NIPAL4: variants seen among roughly 807,000 people sequenced by gnomAD.
NIPAL4 encodes the protein NIPA like domain containing 4.
A neutral mutation model predicts 31.6 loss-of-function variants in NIPAL4; 21 were observed. The observed-to-expected ratio is 0.67, with a 90% confidence interval of 0.47 to 0.96. The LOEUF (loss-of-function observed/expected upper bound fraction) is 0.96. Among genes scored for constraint, NIPAL4 ranks in the 40% least tolerant of loss-of-function variants. The pLI is 0.00. For synonymous variants in NIPAL4, 175 were observed against 211.1 expected (o/e 0.83, Z 1.48); for missense variants, 438 against 508.0 (o/e 0.86, Z 1.32).
At chr5:157,463,374 T>C in intron 2 of NIPAL4, 41 bp downstream of exon 2, 1 of 1,558,890 alleles carries the variant, frequency 6.4e-7, no homozygotes, top group Non-Finnish European at 8.7e-7. Flanking sequence ...CCAGGGCAGC[T>C]GAGCTCTCAC....
intron 2 of NIPAL4, among the ~76,000 whole-genome samples, chr5:157,464,817 C>T (rs889746546): frequency 2.6e-5 from 4 of 152,168 alleles, no homozygotes; most frequent in African/African-American, 9.7e-5. Flanking sequence ...GGTTCTAATT[C>T]TGGCTCCTCA....
rs759357633 is a variant in NIPAL4, at chr5:157,472,759, C to T, written c.1014C>T (p.Gly338=). The T allele has an allele frequency of 2.0e-5, 33 of 1,612,812 alleles. 1 individual carries two copies. The highest frequency in any genetic ancestry group is 6.6e-5 in the South Asian group (6 of 91,080). Residue 338 remains glycine (G), a synonymous_variant, in exon 6 of 6, where the codon GGC becomes GGT. Coordinates refer to ENST00000311946, the MANE Select transcript of NIPAL4 (RefSeq NM_001099287.2). ...CGGGCTTTGTCACCATCATCTTGGG[C>T]GTGTTCATGCTGCATGCTTTCAAAG... The part of the protein sequence containing the change: ...TLSGFVTIIL[G]VFMLHAFKDL...
intron 2 of NIPAL4, among the ~76,000 whole-genome samples, chr5:157,464,345 T>C (rs4704742): frequency 0.47 from 72,119 of 151,864 alleles, 17,373 homozygotes; most frequent in East Asian, 0.72. Context: ...TAAATGGAAG[T>C]ACAGAGGCTG....
At chr5:157,467,571 A>G (rs1436415903) in intron 3 of NIPAL4, 1 of 174,658 alleles carries the variant, frequency 5.7e-6, no homozygotes, top group Admixed American at 5.6e-5. Flanking sequence ...CTCTCCTGCT[A>G]TCAAACCCTG....
In NIPAL4 at chr5:157,472,936, CA is replaced by C. The variant is rs1387475890; in HGVS notation, c.1194del (p.Val399TyrfsTer3). On this transcript the variant is annotated frameshift_variant, in exon 6 of 6. Transcript: ENST00000311946. LOFTEE classifies it high-confidence loss of function. ...GCACCTCATCACCAGAAGAGAAACC[CA>C]AAGTATTTATAATCCATTCCTGAAG... The part of the protein sequence containing the change: ...ASTSSPEEKP[K>X]VFIIHS The C allele has an allele frequency of 3.9e-6, 6 of 1,519,046 alleles. No individual in the cohort carries two copies. The highest frequency in any genetic ancestry group is 5.3e-6 in the Non-Finnish European group (6 of 1,134,872). The allele number at this position is 1,519,046 out of a possible 1,614,324, so 94.1% of individuals were successfully genotyped here. A position where few individuals can be genotyped will look rare whatever the true frequency, so the allele number is the denominator to read the frequency against.
At chr5:157,460,649 A>T in intron 1 of NIPAL4, 7 of 355,264 alleles carry the variant, frequency 2.0e-5, no homozygotes, top group East Asian at 7.9e-5. Context: ...ACACCCTGAG[A>T]GGTGGTGGGG....
intron 3 of NIPAL4, chr5:157,467,734 C>T (rs115502782): frequency 0.017 from 2,588 of 156,270 alleles, 56 homozygotes; most frequent in South Asian, 0.089. Flanking sequence ...GAAAAAGACA[C>T]TTTTCTGATA....
Position 157,471,874 on chromosome 5 carries a change from A to G in NIPAL4, c.586+57A>G, listed in dbSNP as rs1045879001. 7 of 1,380,290 alleles carry G rather than the reference A, an allele frequency of 5.1e-6. No homozygotes were observed. The African/African-American group carries it at 8.6e-5, about 17-fold the overall frequency. The allele number at this position is 1,380,290 out of a possible 1,614,324, so 85.5% of individuals were successfully genotyped here. A position where few individuals can be genotyped will look rare whatever the true frequency, so the allele number is the denominator to read the frequency against. ...TACTGGAGGTTGAACACCCCCTACT[A>G]CCCCACAAAAGGTCAGGTTGGGTTC... On this transcript the variant is annotated intron_variant, in intron 5 of 5. Transcript: ENST00000311946.
In NIPAL4 at chr5:157,474,626, T is replaced by C. The variant is rs1754537081; in HGVS notation, c.*1666T>C. 6.6e-6 allele frequency: 1 copy of C among 152,220 alleles called. No homozygotes were observed. The highest frequency in any genetic ancestry group is 1.5e-5 in the Non-Finnish European group (1 of 68,042). 9.4% of individuals were successfully genotyped at this position (152,220 alleles called of 1,614,324 possible). A position where few individuals can be genotyped will look rare whatever the true frequency, so the allele number is the denominator to read the frequency against. On this transcript the variant is annotated 3_prime_UTR_variant, in exon 6 of 6. Coordinates refer to ENST00000311946, the MANE Select transcript of NIPAL4 (RefSeq NM_001099287.2). ...GATTTCTGTCTGTAATTAAAAGCAA[T>C]GCAACAAGTTGGCTCTTGAGAATGG... is the stretch of plus-strand genomic sequence containing the variant.
chr5:157,465,666 A>T (rs1401189548), intron 2 of NIPAL4, among the ~76,000 whole-genome samples: 1 of 152,180 alleles, frequency 6.6e-6, no homozygotes, highest in Non-Finnish European at 1.5e-5. Context: ...ATTAAGAACA[A>T]CAATGCCATG....
At chr5:157,466,924 G>A (rs1754289235) in intron 2 of NIPAL4, 125 bp from the exon 3 acceptor site, 5 of 695,508 alleles carry the variant, frequency 7.2e-6, no homozygotes, top group South Asian at 6.3e-5. Context: ...CCACCCAGGA[G>A]AAGGCCCAGA....
chr5:157,469,113 G>A (rs972000426), intron 4 of NIPAL4, among the ~76,000 whole-genome samples: 22 of 152,208 alleles, frequency 1.4e-4, no homozygotes, highest in Non-Finnish European at 8.8e-5. Flanking sequence ...GATAGATGCA[G>A]CATACAAGTT....
chr5:157,461,408 G>T (rs1754102257), intron 1 of NIPAL4, among the ~76,000 whole-genome samples: 1 of 152,212 alleles, frequency 6.6e-6, no homozygotes, highest in Non-Finnish European at 1.5e-5. Flanking sequence ...GCTTTACTGT[G>T]ACAGCCAAGT....
chr5:157,468,632 T>C (rs972708900), intron 3 of NIPAL4, 90 bp from the exon 4 acceptor site: 3 of 800,264 alleles, frequency 3.7e-6, no homozygotes, highest in Admixed American at 3.6e-5. Context: ...GGTCTGGGAT[T>C]CTCCAGCTTG....
At chr5:157,469,265 A>T (rs1187547304) in intron 4 of NIPAL4, among the ~76,000 whole-genome samples, 1 of 152,218 alleles carries the variant, frequency 6.6e-6, no homozygotes, top group Middle Eastern at 3.2e-3. Context: ...GGGGATGCCA[A>T]TAATACCCAC....
At position 157,463,238 on chromosome 5, in the gene NIPAL4, G is replaced by T. The variant is rs1213302004; in HGVS notation, c.182G>T (p.Gly61Val). The T allele has an allele frequency of 8.1e-6, 13 of 1,613,878 alleles. No individual in the cohort carries two copies. Among genetic ancestry groups the T allele is most frequent in the Non-Finnish European group, 1.1e-5 (13 of 1,179,896 alleles). The change falls in exon 2 of 6, where the codon GGC (glycine) becomes GTC (valine). Residue 61 changes from glycine (G) to valine (V), a missense_variant. Gly to Val is a moderately radical substitution (Grantham distance 109). Coordinates refer to ENST00000311946, the MANE Select transcript of NIPAL4 (RefSeq NM_001099287.2). ...RQNYGFYIGL[G>V]LAFLSSFLIG... is the part of the protein sequence containing the mutation. Reference sequence around the variant, plus strand: ...AACTATGGCTTCTACATCGGCCTGGGCCTGGCATTCCTGTCTAGCTTCCTC... The same window carrying T: ...AACTATGGCTTCTACATCGGCCTGGTCCTGGCATTCCTGTCTAGCTTCCTC...
intron 2 of NIPAL4, among the ~76,000 whole-genome samples, chr5:157,465,909 C>T (rs1310309259): frequency 6.6e-6 from 1 of 152,116 alleles, no homozygotes; most frequent in Non-Finnish European, 1.5e-5. Context: ...GGGAGGATCC[C>T]TTGAGCCCAG....
In NIPAL4 at chr5:157,460,372, G is replaced by A. The variant is rs1754058374; in HGVS notation, c.37+15G>A. The A allele has an allele frequency of 2.6e-6, 4 of 1,540,008 alleles. No homozygotes were observed. In the East Asian group the frequency reaches 9.8e-5, roughly 38 times the overall value. On this transcript the variant is annotated intron_variant, in intron 1 of 5. Coordinates refer to ENST00000311946, the MANE Select transcript of NIPAL4 (RefSeq NM_001099287.2). The stretch of plus-strand genomic sequence containing the variant: ...CTGCGAGAACGGTGCGTACGGCAGG[G>A]CTGGGGACCAGGCGGGCTCCGCGCT...
At chr5:157,466,694 A>T (rs1754284024) in intron 2 of NIPAL4, among the ~76,000 whole-genome samples, 1 of 152,200 alleles carries the variant, frequency 6.6e-6, no homozygotes, top group Non-Finnish European at 1.5e-5. Flanking sequence ...CAACTGGATA[A>T]ATGAGAGTGC....
Sources: allele counts gnomAD v4.1 joint callset (sites outside exome capture counted in the v4.1 genomes callset), GRCh38; gene constraint gnomAD v4.1.1; transcripts MANE v1.5; gene names NCBI Gene and HGNC (gene_info 2026-07-23, HGNC 2026-07-21).